The following PREP variants were observed in gnomAD, a reference collection of about 807,000 sequenced individuals.
The protein encoded by PREP is dJ355L5.1 (prolyl endopeptidase).
In PREP, 29 loss-of-function variants were observed where a neutral mutation model predicts 87.6. That is an observed-to-expected ratio of 0.33 (90% CI 0.25 to 0.45). The LOEUF is 0.45. PREP is among the 20% of genes least tolerant of loss of function. The pLI, the probability that PREP is intolerant of heterozygous loss-of-function variation, is 1.00. For missense variants in PREP, 695 were observed against 886.5 expected (o/e 0.78, Z 2.74); for synonymous variants, 337 against 328.6 (o/e 1.03, Z -0.28).
chr6:105,349,968 C>G (rs909018970), intron 7 of PREP, among the ~76,000 whole-genome samples: 1 of 141,830 alleles, frequency 7.1e-6, no homozygotes, highest in Non-Finnish European at 1.5e-5. Context: ...ACCGGGCATA[C>G]AGACCCCTGA....
At chr6:105,401,331 C>A (rs1562232628) in intron 1 of PREP, among the ~76,000 whole-genome samples, 1 of 152,122 alleles carries the variant, frequency 6.6e-6, no homozygotes, top group Non-Finnish European at 1.5e-5. Flanking sequence ...GAACCAGAAC[C>A]AAGAGAGTCA....
chr6:105,343,883 G>A (rs930193231), intron 7 of PREP, among the ~76,000 whole-genome samples: 6 of 152,188 alleles, frequency 3.9e-5, no homozygotes, highest in African/African-American at 1.2e-4. Context: ...AGGTGCTGGA[G>A]AGGATGTGGA....
In PREP at chr6:105,323,201, A is replaced by T. The variant is rs536828925; in HGVS notation, c.1317+464T>A. 52 of 1,093,270 alleles carry T rather than the reference A, an allele frequency of 4.8e-5. No individual in the cohort carries two copies. The African/African-American group carries it at 8.4e-4, about 18-fold the overall frequency. The allele number at this position is 1,093,270 out of a possible 1,614,324, so 67.7% of individuals were successfully genotyped here. The stretch of plus-strand genomic sequence containing the variant: ...GACATGACAATTAATTAATTTATTC[A>T]TTCAAATGTTTTATTGAGTGTCTAC... On this transcript the variant is annotated intron_variant, in intron 10 of 14. Transcript: ENST00000652536.
intron 10 of PREP, among the ~76,000 whole-genome samples, chr6:105,315,402 C>T (rs1583050417): frequency 1.3e-5 from 2 of 152,274 alleles, no homozygotes; most frequent in East Asian, 3.9e-4. Context: ...GAGCTCCTGG[C>T]CCGAGAGTTC....
chr6:105,396,208 G>A (rs923391400), intron 2 of PREP, among the ~76,000 whole-genome samples: 1 of 151,376 alleles, frequency 6.6e-6, no homozygotes, highest in East Asian at 2.0e-4. Context: ...CTTTCTTGAA[G>A]GGAGTTAGAG....
intron 10 of PREP, among the ~76,000 whole-genome samples, chr6:105,314,525 C>G (rs750101206): frequency 1.2e-4 from 19 of 152,182 alleles, no homozygotes; most frequent in Admixed American, 1.0e-3. Context: ...GGAATAGATT[C>G]CATCTCAAGA....
At chr6:105,356,979 A>C (rs1772116100) in intron 6 of PREP, among the ~76,000 whole-genome samples, 1 of 152,002 alleles carries the variant, frequency 6.6e-6, no homozygotes, top group African/African-American at 2.4e-5. Flanking sequence ...TGAACCTTTT[A>C]TTTATCTTGC....
chr6:105,384,945 G>A (rs1001688784), intron 2 of PREP, among the ~76,000 whole-genome samples: 4 of 152,190 alleles, frequency 2.6e-5, no homozygotes, highest in South Asian at 2.1e-4. Flanking sequence ...CCCCAATAAC[G>A]TGAGCCACTC....
At chr6:105,330,681 G>T (rs546018990) in intron 8 of PREP, among the ~76,000 whole-genome samples, 18 of 152,210 alleles carry the variant, frequency 1.2e-4, no homozygotes, top group Non-Finnish European at 2.2e-4. Context: ...TGGAAGGGGG[G>T]GGTTCTTGAC....
intron 2 of PREP, among the ~76,000 whole-genome samples, chr6:105,379,459 T>C (rs190686394): frequency 3.6e-4 from 55 of 152,304 alleles, no homozygotes; most frequent in African/African-American, 1.3e-3. Context: ...TCACCAAGTG[T>C]GTCCAAAAGC....
intron 8 of PREP, among the ~76,000 whole-genome samples, chr6:105,329,337 C>T (rs931757314): frequency 6.6e-6 from 1 of 151,992 alleles, no homozygotes; most frequent in Non-Finnish European, 1.5e-5. Context: ...ATTTTTAGTA[C>T]AGACGGGGTT....
At chr6:105,306,961 C>G (rs1770669819) in intron 10 of PREP, among the ~76,000 whole-genome samples, 2 of 152,124 alleles carry the variant, frequency 1.3e-5, no homozygotes, top group African/African-American at 4.8e-5. Context: ...TTTGTACAAG[C>G]TATTCATTTC....
At chr6:105,338,356 A>G (rs554665138) in intron 7 of PREP, among the ~76,000 whole-genome samples, 2 of 152,370 alleles carry the variant, frequency 1.3e-5, no homozygotes, top group East Asian at 3.9e-4. Flanking sequence ...TTCCTTCAGT[A>G]CTGCTGTCTA....
chr6:105,275,116 A>G lies in PREP; in HGVS notation c.*3028T>C, dbSNP rs1769908237. Among the ~76,000 whole-genome samples the G allele has an allele frequency of 1.3e-5, 2 of 152,162 alleles. No individual in the cohort carries two copies. Among genetic ancestry groups the G allele is most frequent in the Non-Finnish European group, 2.9e-5 (2 of 68,026 alleles). On this transcript the variant is annotated 3_prime_UTR_variant, in exon 15 of 15. Coordinates refer to ENST00000652536, the MANE Select transcript of PREP (RefSeq NM_002726.5). ...ATCCCACTGGCCTGACCACCCCAAC[A>G]GTATGACCTTTGCCTCTTTACAGCA...
At chr6:105,302,574 G>T in intron 10 of PREP, 1 of 394,670 alleles carries the variant, frequency 2.5e-6, no homozygotes. Flanking sequence ...TTCTCAGGCC[G>T]CAGGTCCAGG....
intron 7 of PREP, among the ~76,000 whole-genome samples, chr6:105,348,032 C>T (rs4585599): frequency 0.32 from 48,715 of 151,954 alleles, 10,003 homozygotes; most frequent in African/African-American, 0.59. Flanking sequence ...TGGGCATGAA[C>T]CACATCAAGG....
intron 10 of PREP, among the ~76,000 whole-genome samples, chr6:105,313,198 G>C (rs1173096785): frequency 6.6e-6 from 1 of 152,106 alleles, no homozygotes; most frequent in African/African-American, 2.4e-5. Flanking sequence ...ACCAATGACA[G>C]TAATGCCAGT....
chr6:105,382,186 T>C (rs1772859444), intron 2 of PREP, among the ~76,000 whole-genome samples: 1 of 151,312 alleles, frequency 6.6e-6, no homozygotes, highest in Non-Finnish European at 1.5e-5. Flanking sequence ...GAGTTTCAGT[T>C]AGACAGGAGA....
rs750754291 is a variant in PREP, at chr6:105,278,117, G to A, written c.*27C>T. 36 of 1,587,704 alleles carry A rather than the reference G, an allele frequency of 2.3e-5. No individual in the cohort carries two copies. The highest frequency in any genetic ancestry group is 2.8e-5 in the Non-Finnish European group (33 of 1,163,316). On this transcript the variant is annotated 3_prime_UTR_variant, in exon 15 of 15. Transcript: ENST00000652536. The surrounding 1 kb of genome is among the most constrained non-coding windows in gnomAD (Gnocchi z 4.2). Reference sequence around the variant, plus strand: ...GGGAAAGCCCTTGAGGTTTTCTGTCGCTGTCAGGAGGAAGCACGAAAACTG... The same window carrying A: ...GGGAAAGCCCTTGAGGTTTTCTGTCACTGTCAGGAGGAAGCACGAAAACTG...
Sources: allele counts gnomAD v4.1 joint callset (sites outside exome capture counted in the v4.1 genomes callset), GRCh38; gene constraint gnomAD v4.1.1; non-coding constraint Gnocchi (gnomAD v3.1); transcripts MANE v1.5; gene names NCBI Gene and HGNC (gene_info 2026-07-23, HGNC 2026-07-21).